DENND2C: variants seen among roughly 807,000 people sequenced by gnomAD.
The protein encoded by DENND2C is DENN domain-containing protein 2C.
In DENND2C, 72 loss-of-function variants were observed where a neutral mutation model predicts 112.4. The observed-to-expected ratio is 0.64, with a 90% CI of 0.53 to 0.78. The LOEUF is 0.78. DENND2C is among the 30% of genes least tolerant of loss of function. The pLI, the probability that DENND2C is intolerant of heterozygous loss-of-function variation, is 0.00. For synonymous variants in DENND2C, 329 were observed against 381.6 expected (o/e 0.86, Z 1.61); for missense variants, 992 against 1,113.8 (o/e 0.89, Z 1.56).
rs575271544 is a variant in DENND2C, at chr1:114,601,099, AT to A, written c.1816-140del. The A allele has an allele frequency of 9.1e-5, 85 of 931,846 alleles. 1 individual carries two copies. The Admixed American group carries it at 2.1e-3, about 23-fold the overall frequency. The allele number at this position is 931,846 out of a possible 1,614,324, so 57.7% of individuals were successfully genotyped here. On this transcript the variant is annotated intron_variant, in intron 13 of 20. Coordinates refer to ENST00000393274, the MANE Select transcript of DENND2C (RefSeq NM_001256404.2). The stretch of plus-strand genomic sequence containing the variant: ...TAAGACAGATAAGCTTCTGCAATCA[AT>A]AAAAGTTAAATAAGCATCATATCTC...
At chr1:114,641,499 G>A (rs1557955664) in intron 3 of DENND2C, among the ~76,000 whole-genome samples, 1 of 152,082 alleles carries the variant, frequency 6.6e-6, no homozygotes, top group East Asian at 1.9e-4. Context: ...AAGGTAACAA[G>A]TGAGTTCTTG....
chr1:114,597,636 A>G (rs1342243000), intron 16 of DENND2C, among the ~76,000 whole-genome samples: 1 of 151,946 alleles, frequency 6.6e-6, no homozygotes, highest in Non-Finnish European at 1.5e-5. Context: ...ACAAAAAATT[A>G]GCTGGGCATG....
intron 2 of DENND2C, among the ~76,000 whole-genome samples, chr1:114,647,200 G>A (rs1288424045): frequency 1.3e-5 from 2 of 151,490 alleles, no homozygotes; most frequent in African/African-American, 4.9e-5. Flanking sequence ...AGAATATTCA[G>A]GGGTCTGCTA....
intron 1 of DENND2C, among the ~76,000 whole-genome samples, chr1:114,668,975 T>C (rs1048489783): frequency 2.0e-5 from 3 of 152,206 alleles, no homozygotes. Flanking sequence ...CAACAGTGTA[T>C]AGATAACACC....
chr1:114,649,199 C>A lies in DENND2C; in HGVS notation c.-316-3640G>T, dbSNP rs1480180607. Reference sequence around the variant, plus strand: ...CAAACTCCTGACCTCAAGTAATCAGCCCGCCTTGGCCTCCCAAAATGCTGG... The same window carrying A: ...CAAACTCCTGACCTCAAGTAATCAGACCGCCTTGGCCTCCCAAAATGCTGG... On this transcript the variant is annotated intron_variant, in intron 2 of 20. Coordinates refer to ENST00000393274, the MANE Select transcript of DENND2C (RefSeq NM_001256404.2). Among the ~76,000 whole-genome samples the A allele has an allele frequency of 2.0e-5, 3 of 152,136 alleles. No homozygotes were observed. In the East Asian group the frequency reaches 5.8e-4, roughly 29 times the overall value.
At chr1:114,661,554 G>A (rs1343614442) in intron 1 of DENND2C, among the ~76,000 whole-genome samples, 1 of 152,142 alleles carries the variant, frequency 6.6e-6, no homozygotes. Flanking sequence ...ATGTTTCCAA[G>A]AATCTTTTTA....
intron 20 of DENND2C, among the ~76,000 whole-genome samples, chr1:114,586,120 G>C (rs1655030166): frequency 6.6e-6 from 1 of 152,110 alleles, no homozygotes; most frequent in Non-Finnish European, 1.5e-5. Flanking sequence ...AAATATCGTA[G>C]CATATAGGTT....
At chr1:114,650,579 C>A (rs1657128957) in intron 2 of DENND2C, among the ~76,000 whole-genome samples, 1 of 143,312 alleles carries the variant, frequency 7.0e-6, no homozygotes, top group Non-Finnish European at 1.5e-5. Context: ...GAGGCTGAGG[C>A]AGGAGAATGG....
chr1:114,655,999 T>A (rs914337438), intron 1 of DENND2C, among the ~76,000 whole-genome samples: 8 of 151,878 alleles, frequency 5.3e-5, no homozygotes, highest in Non-Finnish European at 1.5e-5. Context: ...ATTTATCCAT[T>A]CTCCTGTTGA....
At chr1:114,622,958 G>A in intron 6 of DENND2C, 29 bp downstream of exon 6, 3 of 1,534,098 alleles carry the variant, frequency 2.0e-6, no homozygotes, top group Non-Finnish European at 2.7e-6. Flanking sequence ...AGATTCTAAT[G>A]TTTTCTTCAA....
chr1:114,603,296 C>T (rs907136522), intron 11 of DENND2C, among the ~76,000 whole-genome samples: 64 of 151,496 alleles, frequency 4.2e-4, no homozygotes, highest in African/African-American at 1.5e-3. Context: ...TGTGCCATCA[C>T]ACCCAGCTGA....
At chr1:114,650,447 G>A (rs958939493) in intron 2 of DENND2C, among the ~76,000 whole-genome samples, 1 of 151,714 alleles carries the variant, frequency 6.6e-6, no homozygotes, top group East Asian at 1.9e-4. Context: ...GATGGATCAC[G>A]AGGTCAGGAG....
chr1:114,629,639 C>G (rs1432302820), intron 3 of DENND2C, among the ~76,000 whole-genome samples: 1 of 152,084 alleles, frequency 6.6e-6, no homozygotes, highest in African/African-American at 2.4e-5. Context: ...TAATCATGTC[C>G]CTTTCTTTTT....
At chr1:114,612,478 G>C (rs1655849945) in intron 8 of DENND2C, among the ~76,000 whole-genome samples, 1 of 150,090 alleles carries the variant, frequency 6.7e-6, no homozygotes, top group Non-Finnish European at 1.5e-5. Flanking sequence ...TCAGCTTCCA[G>C]AGTAGGCTGG....
At chr1:114,637,353 G>C (rs545945982) in intron 3 of DENND2C, among the ~76,000 whole-genome samples, 1 of 129,348 alleles carries the variant, frequency 7.7e-6, no homozygotes, top group Non-Finnish European at 1.6e-5. Context: ...CTGGGCAACA[G>C]AGCAAGACTC....
At chr1:114,593,922 G>A (rs764490771) in intron 18 of DENND2C, among the ~76,000 whole-genome samples, 10 of 152,182 alleles carry the variant, frequency 6.6e-5, no homozygotes, top group Non-Finnish European at 1.3e-4. Flanking sequence ...TATGTCAAGT[G>A]CTTAGCATAT....
chr1:114,623,696 ATT>A, intron 4 of DENND2C, 53 bp from the exon 5 acceptor site: 1 of 1,252,974 alleles, frequency 8.0e-7, no homozygotes, highest in African/African-American at 1.6e-5. Flanking sequence ...TCTAATCTTT[ATT>A]TTTTAAAATT....
At chr1:114,650,951 G>A (rs939274443) in intron 2 of DENND2C, among the ~76,000 whole-genome samples, 7 of 151,588 alleles carry the variant, frequency 4.6e-5, no homozygotes, top group African/African-American at 1.7e-4. Flanking sequence ...TTAAAACACA[G>A]TAAGGGCATT....
rs775210108 is a variant in DENND2C, at chr1:114,623,541, T to C, written c.909A>G (p.Thr303=). 2 of 1,609,938 alleles carry C rather than the reference T, an allele frequency of 1.2e-6. No individual in the cohort carries two copies. The highest frequency in any genetic ancestry group is 1.7e-6 in the Non-Finnish European group (2 of 1,178,326). Residue 303 remains threonine, a synonymous_variant, in exon 5 of 21, where the codon ACA becomes ACG. Transcript: ENST00000393274. ...CTTCATAGATATTGTCCTCAGACTG[T>C]GTGTAATAAAGTGCTGACCCAGAAT... ...GRNSGSALYY[T]QSEDNIYEDI...
Sources: allele counts gnomAD v4.1 joint callset (sites outside exome capture counted in the v4.1 genomes callset), GRCh38; gene constraint gnomAD v4.1.1; transcripts MANE v1.5; gene names NCBI Gene and HGNC (gene_info 2026-07-23, HGNC 2026-07-21).